Variants in PARD3 observed in about 807,000 individuals in gnomAD.
The protein encoded by PARD3 is par-3 family cell polarity regulator.
A neutral mutation model predicts 155.4 loss-of-function variants in PARD3; 75 were observed. That is an observed-to-expected ratio of 0.48 (90% CI 0.40 to 0.58). The LOEUF is 0.58. Among genes scored for constraint, PARD3 ranks in the 20% least tolerant of loss-of-function variants. The pLI is 0.00. For synonymous variants in PARD3, 576 were observed against 610.5 expected, an observed-to-expected ratio of 0.94 and a Z score of 0.83; for missense variants, 1,642 against 1,721.7, an observed-to-expected ratio of 0.95 and a Z score of 0.82.
At chr10:34,163,748 T>C (rs1411752314) in intron 22 of PARD3, among the ~76,000 whole-genome samples, 1 of 152,186 alleles carries the variant, frequency 6.6e-6, no homozygotes, top group Admixed American at 6.5e-5. Flanking sequence ...GTCAGAGAGA[T>C]GTGATCTGCT....
intron 22 of PARD3, among the ~76,000 whole-genome samples, chr10:34,200,367 T>C (rs1395023854): frequency 2.0e-5 from 3 of 152,108 alleles, no homozygotes; most frequent in Admixed American, 6.5e-5. Context: ...AGTAAACTTA[T>C]TGGGGGATGG....
chr10:34,124,798 C>G (rs10827329), intron 23 of PARD3, among the ~76,000 whole-genome samples: 2,111 of 152,296 alleles, frequency 0.014, 45 homozygotes, highest in African/African-American at 0.048. Context: ...TCCCCGCCCC[C>G]ATCTTAAGCA....
At chr10:34,645,853 T>C (rs1456276259) in intron 2 of PARD3, among the ~76,000 whole-genome samples, 2 of 152,218 alleles carry the variant, frequency 1.3e-5, no homozygotes, top group South Asian at 2.1e-4. Context: ...ATATCTGACA[T>C]GTTCTAATTC....
intron 20 of PARD3, chr10:34,312,168 C>A: frequency 9.4e-7 from 1 of 1,064,090 alleles, no homozygotes; most frequent in African/African-American, 1.6e-5. Context: ...AGCTTGAAAT[C>A]AAGATCCAAA....
At chr10:34,378,786 T>C (rs1156385617) in intron 9 of PARD3, among the ~76,000 whole-genome samples, 3 of 152,218 alleles carry the variant, frequency 2.0e-5, no homozygotes, top group Non-Finnish European at 4.4e-5. Flanking sequence ...CTACCAAATC[T>C]GGGGATCATA....
intron 22 of PARD3, among the ~76,000 whole-genome samples, chr10:34,139,130 A>G (rs1379412181): frequency 6.6e-6 from 1 of 152,198 alleles, no homozygotes; most frequent in South Asian, 2.1e-4. Flanking sequence ...TCAAAGTCCT[A>G]CAACTTAAGA....
chr10:34,308,572 G>A (rs1957532227), intron 20 of PARD3, among the ~76,000 whole-genome samples: 1 of 152,204 alleles, frequency 6.6e-6, no homozygotes, highest in Admixed American at 6.5e-5. Context: ...ATCTGAGAAA[G>A]GGAAGGCTCG....
At chr10:34,229,564 T>C (rs887749683) in intron 22 of PARD3, among the ~76,000 whole-genome samples, 7 of 151,998 alleles carry the variant, frequency 4.6e-5, no homozygotes, top group African/African-American at 7.3e-5. Flanking sequence ...TCTTTTTAAA[T>C]ACATTCCACA....
At chr10:34,547,643 G>GT (rs1345516372) in intron 2 of PARD3, among the ~76,000 whole-genome samples, 1 of 152,178 alleles carries the variant, frequency 6.6e-6, no homozygotes, top group Non-Finnish European at 1.5e-5. Context: ...GATAGGACAG[G>GT]TTATCACTGA....
intron 1 of PARD3, among the ~76,000 whole-genome samples, chr10:34,736,157 G>A (rs554489076): frequency 1.1e-4 from 16 of 151,692 alleles, no homozygotes; most frequent in African/African-American, 3.4e-4. Flanking sequence ...TCAGCCTCCC[G>A]AGTAGCTGGG....
intron 3 of PARD3, among the ~76,000 whole-genome samples, chr10:34,474,395 A>G (rs1375869965): frequency 1.3e-5 from 2 of 152,194 alleles, no homozygotes; most frequent in South Asian, 2.1e-4. Flanking sequence ...ATGTGCTTCT[A>G]TCTGATGGAT....
At chr10:34,140,272 A>G (rs1469576292) in intron 22 of PARD3, among the ~76,000 whole-genome samples, 1 of 152,200 alleles carries the variant, frequency 6.6e-6, no homozygotes, top group East Asian at 1.9e-4. Context: ...AAACCTTTAA[A>G]TGGCAATGGA....
At position 34,750,819 on chromosome 10, in the gene PARD3, G is replaced by T. The variant is rs1045276755; in HGVS notation, c.121-54400C>A. ...TTCTCCTGCCTCGGCCTCCTGAGTT[G>T]CTGGGATTACAGGCACACACCACCA... On this transcript the variant is annotated intron_variant, in intron 1 of 24. Coordinates refer to ENST00000374788, the MANE Select transcript of PARD3 (RefSeq NM_001184785.2). Among the ~76,000 whole-genome samples the T allele has an allele frequency of 1.6e-4, 24 of 151,708 alleles. 1 individual carries two copies. The highest frequency in any genetic ancestry group is 1.1e-3 in the Admixed American group (17 of 15,220).
chr10:34,714,587 C>T (rs2094491193), intron 1 of PARD3, among the ~76,000 whole-genome samples: 1 of 152,080 alleles, frequency 6.6e-6, no homozygotes, highest in Non-Finnish European at 1.5e-5. Flanking sequence ...GACGGAGGGG[C>T]CTGTTCCCAA....
At chr10:34,402,850 A>G (rs540292267) in intron 5 of PARD3, among the ~76,000 whole-genome samples, 4 of 152,200 alleles carry the variant, frequency 2.6e-5, no homozygotes, top group Admixed American at 2.6e-4. Flanking sequence ...CACAAAAATA[A>G]ATGAAAAGCC....
intron 7 of PARD3, among the ~76,000 whole-genome samples, chr10:34,387,165 C>T (rs1159270387): frequency 6.6e-6 from 1 of 152,086 alleles, no homozygotes; most frequent in Non-Finnish European, 1.5e-5. Flanking sequence ...TAAGCGATTT[C>T]CCAATATGAC....
intron 4 of PARD3, among the ~76,000 whole-genome samples, chr10:34,458,810 C>G (rs1279188973): frequency 6.6e-6 from 1 of 152,184 alleles, no homozygotes; most frequent in Non-Finnish European, 1.5e-5. Context: ...ACCACAGCCT[C>G]CACTTGCTTT....
chr10:34,306,048 C>A (rs944040106), intron 20 of PARD3, among the ~76,000 whole-genome samples: 3 of 151,864 alleles, frequency 2.0e-5, no homozygotes, highest in Non-Finnish European at 2.9e-5. Flanking sequence ...AATCCCAGCA[C>A]TTTGAGAGGC....
intron 2 of PARD3, among the ~76,000 whole-genome samples, chr10:34,690,300 C>A (rs559272637): frequency 6.6e-6 from 1 of 152,202 alleles, no homozygotes; most frequent in East Asian, 1.9e-4. Context: ...TTTTCAAGTA[C>A]CCATAAAATG....
Sources: gnomAD v4.1 joint callset for allele counts (sites outside exome capture counted in the v4.1 genomes callset) on GRCh38, gnomAD v4.1.1 for gene constraint, MANE v1.5 for transcripts, NCBI Gene and HGNC (gene_info 2026-07-23, HGNC 2026-07-21) for gene names.